AQP6: variants seen among roughly 807,000 people sequenced by gnomAD.
AQP6 encodes aquaporin-6.
In AQP6, 14 loss-of-function variants were observed where a neutral mutation model predicts 16.3. That is an observed-to-expected ratio of 0.86 (90% CI 0.57 to 1.34). The LOEUF (loss-of-function observed/expected upper bound fraction) is 1.34, where lower values mean the gene tolerates loss of function less well. Ranked by LOEUF, AQP6 falls within the 40% of genes most tolerant of loss-of-function variation. AQP6 has a pLI of 0.00. For synonymous variants in AQP6, 178 were observed against 166.8 expected (o/e 1.07, Z -0.52); for missense variants, 331 against 379.7 (o/e 0.87, Z 1.07).
rs565761341 is a variant in AQP6 at position 49,974,478 on chromosome 12, T to C, written c.557T>C (p.Ile186Thr). ...ATCTCTGTGGCACTGGGCCACCTCATTGGGGTAAGGAACAGAGGGGACACC... is the reference window on the plus strand; with the variant it reads ...ATCTCTGTGGCACTGGGCCACCTCACTGGGGTAAGGAACAGAGGGGACACC... Reference protein sequence around the residue: ...IGISVALGHLIGIHFTGCSMN... With the variant: ...IGISVALGHLTGIHFTGCSMN... Residue 186 changes from isoleucine (I) to threonine (T), a missense_variant, in exon 2 of 4, where the codon ATT becomes ACT. Physicochemically the swap from Ile to Thr is moderately conservative, Grantham distance 89. Transcript: ENST00000315520. 2.4e-5 allele frequency: 38 copies of C among 1,606,248 alleles called. No homozygotes were observed. The highest frequency in any genetic ancestry group is 2.0e-4 in the East Asian group (9 of 44,722).
chr12:49,976,081 C>T lies in AQP6; in HGVS notation c.*410C>T, dbSNP rs781533139. On this transcript the variant is annotated 3_prime_UTR_variant, in exon 4 of 4. Coordinates refer to ENST00000315520, the MANE Select transcript of AQP6 (RefSeq NM_001652.4). ...CAGCTTCTTACCCACCCAGGAAACC[C>T]TTGGTCCAGAGAGGACAGGCTTTCT... is the stretch of plus-strand genomic sequence containing the variant. 1 of 158,088 alleles carries T rather than the reference C, an allele frequency of 6.3e-6. No homozygotes were observed. Among genetic ancestry groups the T allele is most frequent in the Non-Finnish European group, 1.4e-5 (1 of 72,372 alleles). 9.8% of individuals were successfully genotyped at this position (158,088 alleles called of 1,614,324 possible).
At chr12:49,973,812 G>A in intron 1 of AQP6, 2 of 1,135,096 alleles carry the variant, frequency 1.8e-6, no homozygotes, top group Non-Finnish European at 2.4e-6. Context: ...GCCACATAAA[G>A]GAGAAGGAAT....
Position 49,975,806 on chromosome 12 carries a change from C to A in AQP6, c.*135C>A. The A allele has an allele frequency of 8.4e-7, 1 of 1,189,098 alleles. No homozygotes were observed. Among genetic ancestry groups the A allele is most frequent in the Non-Finnish European group, 1.1e-6 (1 of 897,732 alleles). 73.7% of individuals were successfully genotyped at this position (1,189,098 alleles called of 1,614,324 possible). On this transcript the variant is annotated 3_prime_UTR_variant, in exon 4 of 4. Transcript: ENST00000315520. The surrounding 1 kb of genome is among the most constrained non-coding windows in gnomAD (Gnocchi z 4.4). ...GTGGGCTGGAGGGGACAAGCCCTAT[C>A]CCTGGCATTACGTTTCTAGGTAGAA... is the stretch of plus-strand genomic sequence containing the variant.
rs935422337 is a variant in AQP6 at position 49,977,121 on chromosome 12, A to G, written c.*1450A>G. The G allele has an allele frequency of 4.4e-6, 3 of 687,624 alleles. No homozygotes were observed. The highest frequency in any genetic ancestry group is 3.1e-5 in the South Asian group (2 of 65,064). 42.6% of individuals were successfully genotyped at this position (687,624 alleles called of 1,614,324 possible). A position where few individuals can be genotyped will look rare whatever the true frequency, so the allele number is the denominator to read the frequency against. On this transcript the variant is annotated 3_prime_UTR_variant, in exon 4 of 4. Transcript: ENST00000315520. ...TTAAAATGCTAGAAAAACAACCCCA[A>G]TAAATGATGATTATTGTTGCTGTTA...
rs763038471 is a variant in AQP6, at chr12:49,976,304, G to C, written c.*633G>C. 7.0e-6 allele frequency: 1 copy of C among 142,240 alleles called. No individual in the cohort carries two copies. Among genetic ancestry groups the C allele is most frequent in the African/African-American group, 2.6e-5 (1 of 38,444 alleles). 8.8% of individuals were successfully genotyped at this position (142,240 alleles called of 1,614,324 possible). On this transcript the variant is annotated 3_prime_UTR_variant, in exon 4 of 4. Transcript: ENST00000315520. ...GGCTGGAGTGCAGTGGCATGATCTC[G>C]GCTCACTGCAACCTCTACCTCCTGG...
At position 49,974,491 on chromosome 12, in the gene AQP6, C is replaced by A; in HGVS notation, c.561+9C>A. On this transcript the variant is annotated intron_variant, in intron 2 of 3. Coordinates refer to ENST00000315520, the MANE Select transcript of AQP6 (RefSeq NM_001652.4). ...TGGGCCACCTCATTGGGGTAAGGAA[C>A]AGAGGGGACACCGTGCACATGCACA... is the stretch of plus-strand genomic sequence containing the variant. The A allele has an allele frequency of 1.3e-6, 2 of 1,598,492 alleles. No homozygotes were observed. Among genetic ancestry groups the A allele is most frequent in the Admixed American group, 1.7e-5 (1 of 58,792 alleles).
At position 49,975,650 on chromosome 12, in the gene AQP6, C is replaced by A; in HGVS notation, c.828C>A (p.Ala276=). ...AGGAATCCCAGCCGGGTTCGGGAGC[C>A]GTGGAGATGGAGAGTGTGTGAAACA... ...LKKESQPGSG[A]VEMESV is the part of the protein sequence containing the mutation. Residue 276 remains alanine, a synonymous_variant, in exon 4 of 4, where the codon GCC becomes GCA. Coordinates refer to ENST00000315520, the MANE Select transcript of AQP6 (RefSeq NM_001652.4). The surrounding 1 kb of genome is among the most constrained non-coding windows in gnomAD (Gnocchi z 4.4). 1 of 1,581,426 alleles carries A rather than the reference C, an allele frequency of 6.3e-7. No individual in the cohort carries two copies. Among genetic ancestry groups the A allele is most frequent in the African/African-American group, 1.4e-5 (1 of 73,242 alleles).
At chr12:49,973,830 C>T in intron 1 of AQP6, 1 of 1,166,956 alleles carries the variant, frequency 8.6e-7, no homozygotes, top group Non-Finnish European at 1.1e-6. Context: ...AATAGAAGGA[C>T]CAGGCGTTTA....
In AQP6 at chr12:49,975,616, C is replaced by T. The variant is rs1217723890; in HGVS notation, c.794C>T (p.Pro265Leu). Residue 265 changes from proline to leucine, a missense_variant, in exon 4 of 4, where the codon CCC becomes CTC. Coordinates refer to ENST00000315520, the MANE Select transcript of AQP6 (RefSeq NM_001652.4). This position sits in a 1 kb window ranked among gnomAD's most constrained non-coding sequence, Gnocchi z 4.4. Reference protein sequence around the residue: ...VGTGAGAGAEPLKKESQPGSG... With the variant: ...VGTGAGAGAELLKKESQPGSG... Reference sequence around the variant, plus strand: ...ACAGGGGCAGGGGCAGGGGCGGAGCCCCTGAAGAAGGAATCCCAGCCGGGT... The same window carrying T: ...ACAGGGGCAGGGGCAGGGGCGGAGCTCCTGAAGAAGGAATCCCAGCCGGGT... 6.3e-7 allele frequency: 1 copy of T among 1,595,830 alleles called. No individual in the cohort carries two copies. Among genetic ancestry groups the T allele is most frequent in the East Asian group, 2.2e-5 (1 of 44,684 alleles).
Position 49,975,634 on chromosome 12 carries a change from A to G in AQP6, c.812A>G (p.Gln271Arg). 6.3e-7 allele frequency: 1 copy of G among 1,591,746 alleles called. No individual in the cohort carries two copies. The highest frequency in any genetic ancestry group is 8.5e-7 in the Non-Finnish European group (1 of 1,172,876). Reference protein sequence around the residue: ...AGAEPLKKESQPGSGAVEMES... With the variant: ...AGAEPLKKESRPGSGAVEMES... ...GCGGAGCCCCTGAAGAAGGAATCCC[A>G]GCCGGGTTCGGGAGCCGTGGAGATG... The change falls in exon 4 of 4, where the codon CAG becomes CGG. Residue 271 changes from glutamine (Q) to arginine (R), a missense_variant. Transcript: ENST00000315520. This position sits in a 1 kb window ranked among gnomAD's most constrained non-coding sequence, Gnocchi z 4.4.
chr12:49,975,615 C>T lies in AQP6; in HGVS notation c.793C>T (p.Pro265Ser), dbSNP rs753183355. Residue 265 changes from proline to serine, a missense_variant, in exon 4 of 4, where the codon CCC (proline) becomes TCC (serine). Transcript: ENST00000315520. The surrounding 1 kb of genome is among the most constrained non-coding windows in gnomAD (Gnocchi z 4.4). ...VGTGAGAGAEPLKKESQPGSG... is the reference protein window; with the variant it reads ...VGTGAGAGAESLKKESQPGSG... The stretch of plus-strand genomic sequence containing the variant: ...GACAGGGGCAGGGGCAGGGGCGGAG[C>T]CCCTGAAGAAGGAATCCCAGCCGGG... The T allele has an allele frequency of 6.3e-7, 1 of 1,595,958 alleles. No individual in the cohort carries two copies. Among genetic ancestry groups the T allele is most frequent in the Admixed American group, 1.9e-5 (1 of 53,456 alleles).
chr12:49,975,635 G>T lies in AQP6; in HGVS notation c.813G>T (p.Gln271His). 2 of 1,590,966 alleles carry T rather than the reference G, an allele frequency of 1.3e-6. No homozygotes were observed. Among genetic ancestry groups the T allele is most frequent in the Non-Finnish European group, 1.7e-6 (2 of 1,172,446 alleles). Reference sequence around the variant, plus strand: ...CGGAGCCCCTGAAGAAGGAATCCCAGCCGGGTTCGGGAGCCGTGGAGATGG... The same window carrying T: ...CGGAGCCCCTGAAGAAGGAATCCCATCCGGGTTCGGGAGCCGTGGAGATGG... Reference protein sequence around the residue: ...AGAEPLKKESQPGSGAVEMES... With the variant: ...AGAEPLKKESHPGSGAVEMES... The change falls in exon 4 of 4, where the codon CAG becomes CAT. Residue 271 changes from glutamine to histidine, a missense_variant. Coordinates refer to ENST00000315520, the MANE Select transcript of AQP6 (RefSeq NM_001652.4). The surrounding 1 kb of genome is among the most constrained non-coding windows in gnomAD (Gnocchi z 4.4).
At chr12:49,974,258 C>G in intron 1 of AQP6, 66 bp from the exon 2 acceptor site, 1 of 1,457,180 alleles carries the variant, frequency 6.9e-7, no homozygotes, top group Non-Finnish European at 9.1e-7. Context: ...GGCCCAGTGG[C>G]AGGGGTTTCT....
At chr12:49,974,677 C>A in intron 2 of AQP6, 69 bp from the exon 3 acceptor site, 1 of 1,568,004 alleles carries the variant, frequency 6.4e-7, no homozygotes, top group Non-Finnish European at 8.7e-7. Context: ...TGAGCCAGGA[C>A]TGAGAAATGG....
Position 49,973,407 on chromosome 12 carries a change from G to T in AQP6, c.234G>T (p.Gly78=). The change falls in exon 1 of 4, where the codon GGG becomes GGT. Residue 78 remains glycine (G), a synonymous_variant. Transcript: ENST00000315520. ...TGCAGGTCACCTGGAAGGCCAGCGG[G>T]GCCCACGCCAACCCCGCCGTGACGC... The part of the protein sequence containing the change: ...MAVQVTWKAS[G]AHANPAVTLA... 1 of 1,612,768 alleles carries T rather than the reference G, an allele frequency of 6.2e-7. No individual in the cohort carries two copies. The highest frequency in any genetic ancestry group is 8.5e-7 in the Non-Finnish European group (1 of 1,180,030).
rs1947563863 is a variant in AQP6 at position 49,975,410 on chromosome 12, G to T, written c.643-55G>T. On this transcript the variant is annotated intron_variant, in intron 3 of 3. Transcript: ENST00000315520. This position sits in a 1 kb window ranked among gnomAD's most constrained non-coding sequence, Gnocchi z 4.4. Reference sequence around the variant, plus strand: ...TGGGGAAGCAGGCAGCGGTCCCAGAGCCACCCTGTGGTCCTGATAGCTCCT... The same window carrying T: ...TGGGGAAGCAGGCAGCGGTCCCAGATCCACCCTGTGGTCCTGATAGCTCCT... The T allele has an allele frequency of 3.3e-6, 5 of 1,526,724 alleles. No individual in the cohort carries two copies. Among genetic ancestry groups the T allele is most frequent in the Non-Finnish European group, 4.4e-6 (5 of 1,141,468 alleles). 94.6% of individuals were successfully genotyped at this position (1,526,724 alleles called of 1,614,324 possible). A position where few individuals can be genotyped will look rare whatever the true frequency, so the allele number is the denominator to read the frequency against.
chr12:49,975,816 A>T lies in AQP6; in HGVS notation c.*145A>T, dbSNP rs762328611. On this transcript the variant is annotated 3_prime_UTR_variant, in exon 4 of 4. Coordinates refer to ENST00000315520, the MANE Select transcript of AQP6 (RefSeq NM_001652.4). This position sits in a 1 kb window ranked among gnomAD's most constrained non-coding sequence, Gnocchi z 4.4. ...GGGGACAAGCCCTATCCCTGGCATT[A>T]CGTTTCTAGGTAGAATCTGGGAGTG... 2.7e-6 allele frequency: 3 copies of T among 1,124,006 alleles called. No individual in the cohort carries two copies. Among genetic ancestry groups the T allele is most frequent in the Non-Finnish European group, 3.6e-6 (3 of 843,328 alleles). The allele number at this position is 1,124,006 out of a possible 1,614,324, so 69.6% of individuals were successfully genotyped here.
intron 1 of AQP6, 147 bp downstream of exon 1, chr12:49,973,722 C>T: frequency 3.9e-6 from 5 of 1,271,428 alleles, no homozygotes; most frequent in Non-Finnish European, 5.3e-6. Flanking sequence ...CCCCAGGACC[C>T]AGAGGACTGA....
chr12:49,977,062 G>A lies in AQP6; in HGVS notation c.*1391G>A, dbSNP rs1023815811. On this transcript the variant is annotated 3_prime_UTR_variant, in exon 4 of 4. Transcript: ENST00000315520. ...ACACAATCCTCCTCCAGGGACTGCT[G>A]TGAAATCAAGAAATCGGAAAATACT... 2.6e-5 allele frequency: 18 copies of A among 695,014 alleles called. No individual in the cohort carries two copies. Among genetic ancestry groups the A allele is most frequent in the Non-Finnish European group, 4.4e-5 (17 of 382,922 alleles). The allele number at this position is 695,014 out of a possible 1,614,324, so 43.1% of individuals were successfully genotyped here.
Sources: gnomAD v4.1 joint callset for allele counts on GRCh38, gnomAD v4.1.1 for gene constraint, Gnocchi (gnomAD v3.1) non-coding constraint, MANE v1.5 for transcripts, NCBI Gene and HGNC (gene_info 2026-07-23, HGNC 2026-07-21) for gene names.